Variants in SECISBP2L observed in about 807,000 individuals in gnomAD.
SECISBP2L encodes the protein SECIS binding protein 2 like, also known as selenocysteine insertion sequence-binding protein 2-like.
A neutral mutation model predicts 114.7 loss-of-function variants in SECISBP2L; 43 were observed. That is an observed-to-expected ratio of 0.38 (90% CI 0.29 to 0.48). The LOEUF is 0.48. SECISBP2L is among the 20% of genes least tolerant of loss of function. SECISBP2L has a pLI of 0.98. For synonymous variants in SECISBP2L, 451 were observed against 439.7 expected, an observed-to-expected ratio of 1.03 and a Z score of -0.32; for missense variants, 1,136 against 1,301.1, an observed-to-expected ratio of 0.87 and a Z score of 1.95.
Position 49,001,110 on chromosome 15 carries a change from AC to A in SECISBP2L, c.2028-14del. Reference sequence around the variant, plus strand: ...CTGATTACAATACCTGTAAAAAAAAACCAAAATGGGTAACTCCATCCTAATT... The same window carrying A: ...CTGATTACAATACCTGTAAAAAAAAACAAAATGGGTAACTCCATCCTAATT... On this transcript the variant is annotated splice_polypyrimidine_tract_variant and intron_variant, in intron 14 of 17. Transcript: ENST00000559471. 3 of 1,565,682 alleles carry A rather than the reference AC, an allele frequency of 1.9e-6. No homozygotes were observed. In the South Asian group the frequency reaches 3.5e-5, roughly 19 times the overall value.
In SECISBP2L at chr15:48,999,991, A is replaced by G. The variant is rs373099696; in HGVS notation, c.2249-4T>C. 1.7e-5 allele frequency: 27 copies of G among 1,613,306 alleles called. No individual in the cohort carries two copies. The East Asian group carries it at 2.9e-4, about 17-fold the overall frequency. ...TAGAGAGCCTCATCCAGACCACCTG[A>G]GAAAATCAACACATGCAGACGCCTT... On this transcript the variant is annotated splice_polypyrimidine_tract_variant and splice_region_variant and intron_variant, in intron 15 of 17. Transcript: ENST00000559471.
chr15:49,017,047 T>C (rs370518550), intron 9 of SECISBP2L, 32 bp from the exon 10 acceptor site: 42 of 1,602,198 alleles, frequency 2.6e-5, no homozygotes, highest in Non-Finnish European at 3.3e-5. Context: ...CATTTGTTAG[T>C]GATCCCATAA....
At chr15:48,994,655 G>T (rs1390605048) in intron 17 of SECISBP2L, among the ~76,000 whole-genome samples, 1 of 152,144 alleles carries the variant, frequency 6.6e-6, no homozygotes, top group East Asian at 1.9e-4. Flanking sequence ...ACTCTTAAAT[G>T]TTAGTTCCTT....
chr15:49,006,073 G>A (rs548712297), intron 14 of SECISBP2L, among the ~76,000 whole-genome samples: 2 of 152,202 alleles, frequency 1.3e-5, no homozygotes, highest in South Asian at 4.1e-4. Flanking sequence ...GTTGAATATT[G>A]GCCCCACTCT....
intron 14 of SECISBP2L, among the ~76,000 whole-genome samples, chr15:49,006,043 T>C (rs972430660): frequency 6.6e-6 from 1 of 152,188 alleles, no homozygotes; most frequent in Non-Finnish European, 1.5e-5. Context: ...AAATTCTGGA[T>C]TGAAAATTCT....
rs117344392 is a variant in SECISBP2L, at chr15:48,991,265, G to C, written c.*979C>G. The C allele has an allele frequency of 9.4e-3, 1,430 of 152,272 alleles. 26 individuals carry two copies. Among genetic ancestry groups the C allele is most frequent in the Non-Finnish European group, 0.016 (1,059 of 67,994 alleles). 9.4% of individuals were successfully genotyped at this position (152,272 alleles called of 1,614,324 possible). On this transcript the variant is annotated 3_prime_UTR_variant, in exon 18 of 18. Coordinates refer to ENST00000559471, the MANE Select transcript of SECISBP2L (RefSeq NM_001193489.2). Reference sequence around the variant, plus strand: ...ATGTGGAAGGTGCTCAAGGCTAGGTGCAAAATAGGTATTTTTTAAAAGGTG... The same window carrying C: ...ATGTGGAAGGTGCTCAAGGCTAGGTCCAAAATAGGTATTTTTTAAAAGGTG...
At chr15:49,039,915 T>C (rs144334862) in intron 1 of SECISBP2L, among the ~76,000 whole-genome samples, 1,619 of 152,292 alleles carry the variant, frequency 0.011, 16 homozygotes, top group Admixed American at 0.016. Flanking sequence ...TCGGGGTTTT[T>C]TTCAGCAAGG....
chr15:49,034,663 T>G (rs1902966531), intron 3 of SECISBP2L, among the ~76,000 whole-genome samples: 1 of 107,108 alleles, frequency 9.3e-6, no homozygotes, highest in African/African-American at 3.5e-5. Context: ...TGAAAGTATA[T>G]CTTTTGTTTT....
In SECISBP2L at chr15:49,027,607, A is replaced by ATTT. The variant is rs561310621; in HGVS notation, c.920-128_920-127insAAA. The ATTT allele has an allele frequency of 3.5e-4, 115 of 326,358 alleles. 1 individual carries two copies. The highest frequency in any genetic ancestry group is 9.3e-4 in the Middle Eastern group (1 of 1,080). 20.2% of individuals were successfully genotyped at this position (326,358 alleles called of 1,614,324 possible). A position where few individuals can be genotyped will look rare whatever the true frequency, so the allele number is the denominator to read the frequency against. On this transcript the variant is annotated intron_variant, in intron 6 of 17. Transcript: ENST00000559471. ...TAGTGAAAATTTTTCTATAAACCTT[A>ATTT]TTATTTTTTTTTTTTTTTGAGACAG...
chr15:49,033,649 C>G (rs1902943002), intron 3 of SECISBP2L, among the ~76,000 whole-genome samples: 1 of 151,906 alleles, frequency 6.6e-6, no homozygotes, highest in Non-Finnish European at 1.5e-5. Context: ...CCAGCCTGGG[C>G]AACACAGAGA....
intron 1 of SECISBP2L, among the ~76,000 whole-genome samples, chr15:49,046,037 G>A (rs1903241453): frequency 6.6e-6 from 1 of 152,170 alleles, no homozygotes; most frequent in East Asian, 1.9e-4. Context: ...CACCAAGCAG[G>A]GGAGAAGCGG....
intron 2 of SECISBP2L, among the ~76,000 whole-genome samples, chr15:49,036,764 C>A (rs1295841214): frequency 6.6e-6 from 1 of 152,134 alleles, no homozygotes; most frequent in East Asian, 1.9e-4. Context: ...GCCTTATATA[C>A]CATACATCCA....
Position 49,033,106 on chromosome 15 carries a change from T to A in SECISBP2L, c.529-6A>T. 1.2e-6 allele frequency: 2 copies of A among 1,601,246 alleles called. No homozygotes were observed. Among genetic ancestry groups the A allele is most frequent in the East Asian group, 4.5e-5 (2 of 44,810 alleles). ...TGCTGTTGTAAAAGCTGTTGCTGAT[T>A]TAAAAAAAAAACAAAAAAACAAAAA... is the stretch of plus-strand genomic sequence containing the variant. On this transcript the variant is annotated splice_polypyrimidine_tract_variant and splice_region_variant and intron_variant, in intron 3 of 17. Transcript: ENST00000559471.
intron 14 of SECISBP2L, among the ~76,000 whole-genome samples, chr15:49,002,150 C>T (rs1902225315): frequency 6.6e-6 from 1 of 152,210 alleles, no homozygotes; most frequent in Non-Finnish European, 1.5e-5. Context: ...GATTGCTATT[C>T]TAACTGGCAT....
chr15:48,995,335 A>C (rs74897737), intron 17 of SECISBP2L, among the ~76,000 whole-genome samples: 364 of 152,298 alleles, frequency 2.4e-3, no homozygotes, highest in African/African-American at 8.4e-3. Context: ...CCTCTAAACC[A>C]GTATCACCCA....
chr15:49,029,025 G>T (rs1033845579), intron 4 of SECISBP2L, among the ~76,000 whole-genome samples: 30 of 151,994 alleles, frequency 2.0e-4, no homozygotes, highest in African/African-American at 7.2e-4. Flanking sequence ...CCACACCAGG[G>T]TTATTTTTTG....
chr15:49,004,060 G>A (rs753055135), intron 14 of SECISBP2L, among the ~76,000 whole-genome samples: 1 of 152,120 alleles, frequency 6.6e-6, no homozygotes, highest in African/African-American at 2.4e-5. Flanking sequence ...CTGTGAATAT[G>A]TCTGGTTCTA....
chr15:48,993,990 T>C lies in SECISBP2L; in HGVS notation c.2624-1064A>G, dbSNP rs141217819. ...CAATATGGTCACCATCTATGGCCTATATATTGATATAGAACATGTTTTGGG... is the reference window on the plus strand; with the variant it reads ...CAATATGGTCACCATCTATGGCCTACATATTGATATAGAACATGTTTTGGG... On this transcript the variant is annotated intron_variant, in intron 17 of 17. Transcript: ENST00000559471. Among the ~76,000 whole-genome samples the C allele has an allele frequency of 2.0e-3, 303 of 152,274 alleles. 6 individuals carry two copies. Among genetic ancestry groups the C allele is most frequent in the Admixed American group, 0.017 (265 of 15,288 alleles).
intron 13 of SECISBP2L, 130 bp from the exon 14 acceptor site, chr15:49,009,508 G>T: frequency 1.2e-6 from 1 of 811,120 alleles, no homozygotes; most frequent in Non-Finnish European, 1.9e-6. Flanking sequence ...AGCTAATAAG[G>T]TGGGCATTTT....
Sources: allele counts gnomAD v4.1 joint callset (sites outside exome capture counted in the v4.1 genomes callset), GRCh38; gene constraint gnomAD v4.1.1; transcripts MANE v1.5; gene names NCBI Gene and HGNC (gene_info 2026-07-23, HGNC 2026-07-21).